The following DKK3 variants were observed in gnomAD, a reference collection of about 807,000 sequenced individuals.
DKK3 encodes the protein dickkopf-related protein 3.
Under a neutral mutation model 33.2 loss-of-function variants are expected in DKK3, and 22 were observed. That is an observed-to-expected ratio of 0.66 (90% CI 0.47 to 0.95). The LOEUF (loss-of-function observed/expected upper bound fraction) is 0.95. Ranked by LOEUF, DKK3 falls within the 40% of genes least tolerant of loss-of-function variation. DKK3 has a pLI of 0.00. For missense variants in DKK3, 398 were observed against 458.4 expected (o/e 0.87, Z 1.20); for synonymous variants, 194 against 188.8 (o/e 1.03, Z -0.23).
At chr11:11,993,572 T>G (rs1405902497) in intron 3 of DKK3, among the ~76,000 whole-genome samples, 1 of 152,094 alleles carries the variant, frequency 6.6e-6, no homozygotes, top group Non-Finnish European at 1.5e-5. Context: ...CCCATAAAAA[T>G]TGCTCACCCA....
intron 3 of DKK3, among the ~76,000 whole-genome samples, chr11:11,987,817 C>G (rs1312835943): frequency 6.6e-6 from 1 of 152,238 alleles, no homozygotes; most frequent in Non-Finnish European, 1.5e-5. Flanking sequence ...CTTTCAGAAG[C>G]CTTCTCAGTT....
At chr11:11,984,914 C>T (rs748038598) in intron 3 of DKK3, among the ~76,000 whole-genome samples, 7 of 152,238 alleles carry the variant, frequency 4.6e-5, no homozygotes, top group South Asian at 2.1e-4. Context: ...ACAGTGAGGA[C>T]GGAAAGGGGT....
intron 4 of DKK3, among the ~76,000 whole-genome samples, chr11:11,967,924 G>A (rs1027251682): frequency 2.0e-5 from 3 of 152,122 alleles, no homozygotes; most frequent in Admixed American, 6.5e-5. Context: ...AGCAGCTGCC[G>A]CTCTCCCTGC....
rs1000926946 is a variant in DKK3, at chr11:11,964,175, G to A, written c.*289C>T. On this transcript the variant is annotated 3_prime_UTR_variant, in exon 7 of 7. Coordinates refer to ENST00000683431, the MANE Select transcript of DKK3 (RefSeq NM_001018057.2). Reference sequence around the variant, plus strand: ...ATTATCAAAGCCATGTAGAACAAACGGCTGTCTGCCAACTGGTAGAGGCAA... The same window carrying A: ...ATTATCAAAGCCATGTAGAACAAACAGCTGTCTGCCAACTGGTAGAGGCAA... 1.4e-5 allele frequency: 6 copies of A among 415,732 alleles called. No individual in the cohort carries two copies. Among genetic ancestry groups the A allele is most frequent in the East Asian group, 8.1e-5 (2 of 24,822 alleles). The allele number at this position is 415,732 out of a possible 1,614,324, so 25.8% of individuals were successfully genotyped here.
At chr11:11,987,647 T>G (rs1848098967) in intron 3 of DKK3, among the ~76,000 whole-genome samples, 1 of 152,246 alleles carries the variant, frequency 6.6e-6, no homozygotes, top group Non-Finnish European at 1.5e-5. Context: ...GCCACATGTG[T>G]TCCTTCCTGG....
At chr11:11,994,364 G>C (rs985451743) in intron 3 of DKK3, among the ~76,000 whole-genome samples, 1 of 152,058 alleles carries the variant, frequency 6.6e-6, no homozygotes, top group Non-Finnish European at 1.5e-5. Context: ...GGCAGAGCTT[G>C]TAAAAGGCAA....
intron 1 of DKK3, among the ~76,000 whole-genome samples, chr11:12,003,142 TC>T (rs1470812667): frequency 1.3e-5 from 2 of 152,222 alleles, no homozygotes; most frequent in African/African-American, 4.8e-5. Flanking sequence ...CTTTCCCACT[TC>T]CTGCTAGTGT....
chr11:12,000,676 A>AC (rs1848407335), intron 2 of DKK3, among the ~76,000 whole-genome samples: 8 of 127,862 alleles, frequency 6.3e-5, no homozygotes, highest in Non-Finnish European at 1.3e-4. Flanking sequence ...GGCTAAGGCT[A>AC]ATTTTTTTTT....
chr11:11,969,790 C>G (rs1350341211), intron 3 of DKK3, among the ~76,000 whole-genome samples: 1 of 152,232 alleles, frequency 6.6e-6, no homozygotes, highest in Non-Finnish European at 1.5e-5. Context: ...CTGATCAACA[C>G]TGCAAGTGCT....
In DKK3 at chr11:11,964,268, G is replaced by T; in HGVS notation, c.*196C>A. 1.4e-6 allele frequency: 1 copy of T among 699,758 alleles called. No individual in the cohort carries two copies. Among genetic ancestry groups the T allele is most frequent in the Non-Finnish European group, 2.4e-6 (1 of 422,164 alleles). 43.3% of individuals were successfully genotyped at this position (699,758 alleles called of 1,614,324 possible). A position where few individuals can be genotyped will look rare whatever the true frequency, so the allele number is the denominator to read the frequency against. On this transcript the variant is annotated 3_prime_UTR_variant, in exon 7 of 7. Transcript: ENST00000683431. The stretch of plus-strand genomic sequence containing the variant: ...GTTTAACCCTGCCTGACTCTCCCAA[G>T]CACCAGACTGTGAAGCCTGGAGAAC...
intron 3 of DKK3, among the ~76,000 whole-genome samples, chr11:11,986,817 C>G (rs553929489): frequency 1.3e-5 from 2 of 152,288 alleles, no homozygotes; most frequent in Non-Finnish European, 2.9e-5. Flanking sequence ...ATTATATCTA[C>G]TTCATAGTGT....
chr11:11,975,510 T>C (rs556086637), intron 3 of DKK3, among the ~76,000 whole-genome samples: 7 of 152,358 alleles, frequency 4.6e-5, no homozygotes, highest in Non-Finnish European at 1.0e-4. Flanking sequence ...GATGAACAGA[T>C]GGTATAATTT....
chr11:12,003,711 C>T (rs987262186), intron 1 of DKK3, among the ~76,000 whole-genome samples: 2 of 151,850 alleles, frequency 1.3e-5, no homozygotes, highest in Non-Finnish European at 2.9e-5. Context: ...TCCAACACTG[C>T]TATTTTTGAC....
In DKK3 at chr11:11,998,779, T is replaced by A. The variant is rs1257829006; in HGVS notation, c.352A>T (p.Ile118Leu). 6.2e-7 allele frequency: 1 copy of A among 1,612,666 alleles called. No individual in the cohort carries two copies. Among genetic ancestry groups the A allele is most frequent in the East Asian group, 2.2e-5 (1 of 44,886 alleles). The stretch of plus-strand genomic sequence containing the variant: ...ATTTGTCCAGTCTGGTTGTTGGTTA[T>A]CTACAGTAAAACAGGTACAATGAAA... The part of the protein sequence containing the change: ...TIHVHREIHK[I>L]TNNQTGQMVF... Residue 118 changes from isoleucine to leucine, a missense_variant and splice_region_variant, in exon 3 of 7, where the codon ATA (isoleucine) becomes TTA (leucine). Transcript: ENST00000683431.
At chr11:11,988,217 C>A (rs117083529) in intron 3 of DKK3, among the ~76,000 whole-genome samples, 1,837 of 152,268 alleles carry the variant, frequency 0.012, 22 homozygotes, top group Middle Eastern at 0.014. Flanking sequence ...ATGAAACTGA[C>A]AGTAGACAGA....
At chr11:11,970,882 A>G (rs1055599046) in intron 3 of DKK3, among the ~76,000 whole-genome samples, 2 of 152,358 alleles carry the variant, frequency 1.3e-5, no homozygotes, top group East Asian at 1.9e-4. Context: ...TCTGACCTCC[A>G]GAACTGGAAA....
chr11:11,992,497 C>T (rs12791092), intron 3 of DKK3, among the ~76,000 whole-genome samples: 1,866 of 152,324 alleles, frequency 0.012, 18 homozygotes, highest in Non-Finnish European at 0.014. Flanking sequence ...CCCTCTGTGA[C>T]TCAGCCCATC....
chr11:11,982,915 C>T (rs978973431), intron 3 of DKK3, among the ~76,000 whole-genome samples: 3 of 152,182 alleles, frequency 2.0e-5, no homozygotes, highest in African/African-American at 7.2e-5. Context: ...TAGGACTGTT[C>T]ACGGGATTGG....
intron 3 of DKK3, among the ~76,000 whole-genome samples, chr11:11,977,640 A>G (rs1309554887): frequency 2.0e-5 from 3 of 152,132 alleles, no homozygotes; most frequent in Non-Finnish European, 2.9e-5. Context: ...CCACCTATCC[A>G]AAGGCACGCT....
Sources: gnomAD v4.1 joint callset for allele counts (sites outside exome capture counted in the v4.1 genomes callset) on GRCh38, gnomAD v4.1.1 for gene constraint, MANE v1.5 for transcripts, NCBI Gene and HGNC (gene_info 2026-07-23, HGNC 2026-07-21) for gene names.